The following NACC2 variants were observed in gnomAD, a reference collection of about 807,000 sequenced individuals.
NACC2 encodes NACC family member 2.
NACC2 carries 8 observed loss-of-function variants against 25.1 expected under a neutral mutation model. The observed-to-expected ratio is 0.32, with a 90% CI of 0.19 to 0.57. The LOEUF (loss-of-function observed/expected upper bound fraction) is 0.57, where lower values mean the gene tolerates loss of function less well. NACC2 is among the 20% of genes least tolerant of loss of function. NACC2 has a pLI of 0.89. For missense variants in NACC2, 644 were observed against 650.2 expected, an observed-to-expected ratio of 0.99 and a Z score of 0.10; for synonymous variants, 435 against 294.7, an observed-to-expected ratio of 1.48 and a Z score of -4.88.
chr9:136,029,544 G>A (rs1456338024), intron 2 of NACC2, among the ~76,000 whole-genome samples: 2 of 152,242 alleles, frequency 1.3e-5, no homozygotes. Flanking sequence ...CCACCACGTT[G>A]TGGGCAATGA....
At position 136,019,119 on chromosome 9, in the gene NACC2, G is replaced by A. The variant is rs535462068; in HGVS notation, c.887-2690C>T. ...CCCGAGTGGAAGCTCGTCCGCAAAG[G>A]TGCCTCAATGTCTTCACGCAGCCTC... On this transcript the variant is annotated intron_variant, in intron 2 of 5. Transcript: ENST00000277554. This position sits in a 1 kb window ranked among gnomAD's most constrained non-coding sequence, Gnocchi z 5.2. 3 of 152,252 alleles carry A rather than the reference G, an allele frequency of 2.0e-5. No homozygotes were observed. The highest frequency in any genetic ancestry group is 7.2e-5 in the African/African-American group (3 of 41,444). The allele number at this position is 152,252 out of a possible 1,614,324, so 9.4% of individuals were successfully genotyped here. A position where few individuals can be genotyped will look rare whatever the true frequency, so the allele number is the denominator to read the frequency against.
In NACC2 at chr9:136,064,989, G is replaced by A. The variant is rs148005007; in HGVS notation, c.-59-14409C>T. 2.4e-3 allele frequency among the ~76,000 whole-genome samples: 366 copies of A among 152,284 alleles called. 1 individual carries two copies. The highest frequency in any genetic ancestry group is 8.5e-3 in the African/African-American group (353 of 41,546). Reference sequence around the variant, plus strand: ...TCTTTTCAAAATGTGGTGCTGGGACGACTGGATAGCCACATGCAAAAGAAT... The same window carrying A: ...TCTTTTCAAAATGTGGTGCTGGGACAACTGGATAGCCACATGCAAAAGAAT... On this transcript the variant is annotated intron_variant, in intron 1 of 5. Coordinates refer to ENST00000277554, the MANE Select transcript of NACC2 (RefSeq NM_144653.5).
rs1012198584 is a variant in NACC2, at chr9:136,084,813, C to A, written c.-60+10376G>T. On this transcript the variant is annotated intron_variant, in intron 1 of 5. Transcript: ENST00000277554. The surrounding 1 kb of genome is among the most constrained non-coding windows in gnomAD (Gnocchi z 5.1). ...CCGGAGGAGCCGTGGGGAGAGGGTG[C>A]GGAGCAAATGAGCCAGTCACACGAG... Among the ~76,000 whole-genome samples the A allele has an allele frequency of 6.6e-6, 1 of 152,190 alleles. No individual in the cohort carries two copies. The highest frequency in any genetic ancestry group is 1.5e-5 in the Non-Finnish European group (1 of 68,036).
intron 1 of NACC2, among the ~76,000 whole-genome samples, chr9:136,085,137 ATTTTTT>A (rs913472378): frequency 2.5e-4 from 21 of 82,784 alleles, no homozygotes; most frequent in African/African-American, 8.4e-4. Flanking sequence ...CATTTCTACA[ATTTTTT>A]TTTTTTTTTT....
chr9:136,073,300 C>T (rs1315861559), intron 1 of NACC2, among the ~76,000 whole-genome samples: 2 of 151,992 alleles, frequency 1.3e-5, no homozygotes, highest in Non-Finnish European at 2.9e-5. Flanking sequence ...CATGGTGGAG[C>T]GCACCTGTGG....
In NACC2 at chr9:136,049,853, G is replaced by T; in HGVS notation, c.669C>A (p.Tyr223Ter). 1.5e-6 allele frequency: 1 copy of T among 678,344 alleles called. No individual in the cohort carries two copies. Among genetic ancestry groups the T allele is most frequent in the Non-Finnish European group, 2.7e-6 (1 of 364,880 alleles). 42.0% of individuals were successfully genotyped at this position (678,344 alleles called of 1,614,324 possible). ...GGGTGGCCAGGCTGGGCACCCCGTA[G>T]TAGGAGACACGGGGCAGTTTGAGAG... is the stretch of plus-strand genomic sequence containing the variant. The part of the protein sequence containing the change: ...TAPLKLPRVS[Y>*]YGVPSLATLI... Residue 223 changes from tyrosine (Y) to a stop codon, truncating the protein, a stop_gained, in exon 2 of 6, where the codon TAC becomes TAA. Coordinates refer to ENST00000277554, the MANE Select transcript of NACC2 (RefSeq NM_144653.5). LOFTEE classifies it high-confidence loss of function.
chr9:136,041,762 G>A (rs1017976491), intron 2 of NACC2, among the ~76,000 whole-genome samples: 30 of 152,256 alleles, frequency 2.0e-4, no homozygotes, highest in African/African-American at 6.0e-4. Flanking sequence ...TGTGAATTAC[G>A]TCTCAATAAA....
chr9:136,052,353 C>CA (rs1258478842), intron 1 of NACC2, among the ~76,000 whole-genome samples: 1 of 149,498 alleles, frequency 6.7e-6, no homozygotes, highest in African/African-American at 2.5e-5. Context: ...GCCCCAGTGT[C>CA]AAAGCATTTA....
intron 1 of NACC2, among the ~76,000 whole-genome samples, chr9:136,076,659 G>A (rs895057596): frequency 2.0e-5 from 3 of 152,116 alleles, no homozygotes; most frequent in South Asian, 2.1e-4. Context: ...TGAACTGTGC[G>A]CTTAAAAAAT....
At chr9:136,048,141 G>A (rs1258332490) in intron 2 of NACC2, among the ~76,000 whole-genome samples, 3 of 152,232 alleles carry the variant, frequency 2.0e-5, no homozygotes, top group African/African-American at 7.2e-5. Context: ...AGGGACTGTA[G>A]GGGTGCCCAG....
intron 2 of NACC2, among the ~76,000 whole-genome samples, chr9:136,046,591 G>A (rs951380179): frequency 4.6e-5 from 7 of 152,218 alleles, no homozygotes; most frequent in Admixed American, 2.0e-4. Flanking sequence ...GGCCTGCCTC[G>A]CTGCGGGTGG....
rs57371679 is a variant in NACC2 at position 136,066,947 on chromosome 9, T to TA, written c.-59-16368dup. ...TCCAGAACAGATCATTTAAAAAGAT[T>TA]AAAAAAAAAAAAAAAAGATTTAGCT... On this transcript the variant is annotated intron_variant, in intron 1 of 5. Transcript: ENST00000277554. 2.4e-3 allele frequency among the ~76,000 whole-genome samples: 331 copies of TA among 140,144 alleles called. 2 individuals carry two copies. The highest frequency in any genetic ancestry group is 6.6e-3 in the South Asian group (28 of 4,242). The allele number at this position is 140,144 out of a possible 152,430, so 91.9% of individuals were successfully genotyped here. A position where few individuals can be genotyped will look rare whatever the true frequency, so the allele number is the denominator to read the frequency against.
In NACC2 at chr9:136,055,349, G is replaced by A. The variant is rs895720315; in HGVS notation, c.-59-4769C>T. On this transcript the variant is annotated intron_variant, in intron 1 of 5. Transcript: ENST00000277554. This position sits in a 1 kb window ranked among gnomAD's most constrained non-coding sequence, Gnocchi z 4.9. ...GTTGGTGCCAGGCCAGGGCACCTGGGTCCTGGCATCAAGTACCCAGGAGCA... is the reference window on the plus strand; with the variant it reads ...GTTGGTGCCAGGCCAGGGCACCTGGATCCTGGCATCAAGTACCCAGGAGCA... 6.6e-6 allele frequency among the ~76,000 whole-genome samples: 1 copy of A among 152,130 alleles called. No individual in the cohort carries two copies. Among genetic ancestry groups the A allele is most frequent in the Admixed American group, 6.5e-5 (1 of 15,292 alleles).
chr9:136,042,917 GACAAACAGAC>G (rs1564228121), intron 2 of NACC2, among the ~76,000 whole-genome samples: 2 of 131,158 alleles, frequency 1.5e-5, no homozygotes, highest in Admixed American at 7.8e-5. Flanking sequence ...GAGACACAGA[GACAAACAGAC>G]ACACACAGAG....
chr9:136,064,740 G>A (rs1193032920), intron 1 of NACC2, among the ~76,000 whole-genome samples: 4 of 152,120 alleles, frequency 2.6e-5, no homozygotes, highest in Non-Finnish European at 4.4e-5. Context: ...ATATGGAAAC[G>A]CAAGGGACCC....
At chr9:136,070,227 G>A (rs1198202254) in intron 1 of NACC2, among the ~76,000 whole-genome samples, 1 of 151,914 alleles carries the variant, frequency 6.6e-6, no homozygotes, top group African/African-American at 2.4e-5. Context: ...TCAAATACGG[G>A]CCGGGCGTGG....
intron 2 of NACC2, among the ~76,000 whole-genome samples, chr9:136,028,734 C>T (rs1840432894): frequency 6.6e-6 from 1 of 152,228 alleles, no homozygotes; most frequent in African/African-American, 2.4e-5. Context: ...TCTCTGCACT[C>T]TTGGGGGCCT....
At chr9:136,030,402 G>A (rs1447318576) in intron 2 of NACC2, among the ~76,000 whole-genome samples, 10 of 152,050 alleles carry the variant, frequency 6.6e-5, no homozygotes, top group Non-Finnish European at 1.3e-4. Flanking sequence ...GAGGTCAGGA[G>A]ATCGAGACCA....
chr9:136,045,428 G>C (rs959818734), intron 2 of NACC2, among the ~76,000 whole-genome samples: 164 of 94,470 alleles, frequency 1.7e-3, no homozygotes, highest in African/African-American at 5.8e-3. Context: ...TGTGCAGCTG[G>C]TGTCAATACC....
Sources: allele counts gnomAD v4.1 joint callset (sites outside exome capture counted in the v4.1 genomes callset), GRCh38; gene constraint gnomAD v4.1.1; non-coding constraint Gnocchi (gnomAD v3.1); transcripts MANE v1.5; gene names NCBI Gene and HGNC (gene_info 2026-07-23, HGNC 2026-07-21).